SSPN: variants seen among roughly 807,000 people sequenced by gnomAD.
SSPN encodes the protein K-ras oncogene-associated protein.
A neutral mutation model predicts 19.1 loss-of-function variants in SSPN; 15 were observed. The observed-to-expected ratio is 0.78, with a 90% CI of 0.52 to 1.21. The LOEUF (loss-of-function observed/expected upper bound fraction) is 1.21. Ranked by LOEUF, SSPN falls within the 50% of genes most tolerant of loss-of-function variation. SSPN has a pLI of 0.00. For missense variants in SSPN, 291 were observed against 314.0 expected (o/e 0.93, Z 0.55); for synonymous variants, 147 against 140.3 (o/e 1.05, Z -0.34).
intron 1 of SSPN, among the ~76,000 whole-genome samples, chr12:26,216,489 A>C (rs1359064668): frequency 8.8e-6 from 1 of 113,792 alleles, no homozygotes; most frequent in Non-Finnish European, 1.8e-5. Context: ...TTGTCAGATG[A>C]GTAGCTTGCA....
Position 26,195,821 on chromosome 12 carries a change from G to T in SSPN, c.149G>T (p.Cys50Phe). The change falls in exon 1 of 3, where the codon TGC becomes TTC. Residue 50 changes from cysteine to phenylalanine, a missense_variant. Coordinates refer to ENST00000242729, the MANE Select transcript of SSPN (RefSeq NM_005086.5). The part of the protein sequence containing the change: ...GEEEPRTCCG[C>F]RFPLLLALLQ... ...GAGGAGCCCCGGACCTGCTGCGGCT[G>T]CCGGTTCCCGCTGCTGCTCGCCCTG... The T allele has an allele frequency of 6.5e-7, 1 of 1,536,214 alleles. No individual in the cohort carries two copies. Among genetic ancestry groups the T allele is most frequent in the Non-Finnish European group, 8.7e-7 (1 of 1,144,640 alleles).
chr12:26,122,291 G>GGCA, intron 1 of SSPN: 1 of 1,194,592 alleles, frequency 8.4e-7, no homozygotes, highest in African/African-American at 1.6e-5. Flanking sequence ...ACGCGGCGGC[G>GGCA]GCGGCGGCAG....
intron 1 of SSPN, among the ~76,000 whole-genome samples, chr12:26,188,763 T>C (rs1022727881): frequency 6.6e-6 from 1 of 152,160 alleles, no homozygotes; most frequent in African/African-American, 2.4e-5. Flanking sequence ...GGACCAATGG[T>C]GATTAAGGAA....
chr12:26,168,512 C>T (rs1030656162), intron 1 of SSPN, among the ~76,000 whole-genome samples: 3 of 152,286 alleles, frequency 2.0e-5, no homozygotes, highest in East Asian at 3.9e-4. Flanking sequence ...TTACAGACAT[C>T]CTCTCACTTC....
At chr12:26,149,094 C>T (rs552584955) in intron 1 of SSPN, among the ~76,000 whole-genome samples, 19 of 152,316 alleles carry the variant, frequency 1.2e-4, no homozygotes, top group African/African-American at 4.6e-4. Flanking sequence ...GAAGCACTTA[C>T]TGTAAATTGG....
chr12:26,210,687 A>G (rs1246618846), intron 1 of SSPN, among the ~76,000 whole-genome samples: 1 of 152,156 alleles, frequency 6.6e-6, no homozygotes, highest in Non-Finnish European at 1.5e-5. Context: ...GTTGAGACAG[A>G]ACAATTTTCT....
chr12:26,229,037 C>A (rs1280390615), intron 2 of SSPN, among the ~76,000 whole-genome samples: 1 of 152,036 alleles, frequency 6.6e-6, no homozygotes, highest in African/African-American at 2.4e-5. Context: ...TCCCTTCCTC[C>A]AAGGAACACT....
intron 1 of SSPN, among the ~76,000 whole-genome samples, chr12:26,163,002 AGTGTGCTTCAAGACGT>A (rs1944598442): frequency 6.6e-6 from 1 of 151,124 alleles, no homozygotes; most frequent in Non-Finnish European, 1.5e-5. Context: ...ATTCAAACAC[AGTGTGCTTCAAGACGT>A]GTGTGCTTCA....
chr12:26,164,925 T>C (rs1345382679), intron 1 of SSPN, among the ~76,000 whole-genome samples: 1 of 152,242 alleles, frequency 6.6e-6, no homozygotes, highest in African/African-American at 2.4e-5. Context: ...TGATTTCTAC[T>C]CTACCCATTA....
chr12:26,172,794 G>T (rs1944661531), intron 1 of SSPN, among the ~76,000 whole-genome samples: 1 of 146,798 alleles, frequency 6.8e-6, no homozygotes, highest in Admixed American at 6.8e-5. Context: ...ACGGAGTCTT[G>T]CTCTGTCGCC....
At position 26,176,025 on chromosome 12, in the gene SSPN, C is replaced by T. The variant is rs1038592861; in HGVS notation, c.-30-48268C>T. Reference sequence around the variant, plus strand: ...CTAATTTTTGTAATTTTAGTAGAGACGGGGTTTCACCATGTTGACCAGGCT... The same window carrying T: ...CTAATTTTTGTAATTTTAGTAGAGATGGGGTTTCACCATGTTGACCAGGCT... On this transcript the variant is annotated intron_variant, in intron 1 of 2. Transcript: ENST00000538142. 2.0e-5 allele frequency among the ~76,000 whole-genome samples: 3 copies of T among 152,064 alleles called. No homozygotes were observed. The East Asian group carries it at 5.8e-4, about 29-fold the overall frequency.
intron 1 of SSPN, among the ~76,000 whole-genome samples, chr12:26,158,977 C>A (rs1944572006): frequency 1.3e-5 from 2 of 152,234 alleles, no homozygotes; most frequent in African/African-American, 4.8e-5. Flanking sequence ...TGGTCAGGAG[C>A]TAGGTTAGGC....
At chr12:26,224,214 A>T in intron 1 of SSPN, 79 bp from the exon 2 acceptor site, 1 of 951,276 alleles carries the variant, frequency 1.1e-6, no homozygotes, top group Non-Finnish European at 1.7e-6. Context: ...ATGTGACTGC[A>T]GGAAGATACT....
At chr12:26,218,430 T>A (rs1163655115) in intron 1 of SSPN, among the ~76,000 whole-genome samples, 1 of 138,224 alleles carries the variant, frequency 7.2e-6, no homozygotes, top group African/African-American at 2.7e-5. Context: ...ATGGCACCTG[T>A]ATACATATGT....
chr12:26,210,553 T>A (rs1458931341), intron 1 of SSPN, among the ~76,000 whole-genome samples: 4 of 152,102 alleles, frequency 2.6e-5, no homozygotes, highest in Non-Finnish European at 4.4e-5. Flanking sequence ...CCTTACAATT[T>A]ATTTATTGAA....
chr12:26,171,892 G>C (rs1179632771), intron 1 of SSPN, among the ~76,000 whole-genome samples: 3 of 152,136 alleles, frequency 2.0e-5, no homozygotes, highest in African/African-American at 7.2e-5. Flanking sequence ...AGAAGCCAAG[G>C]CTTCACCTCT....
At chr12:26,196,071 C>A in intron 1 of SSPN, 120 bp downstream of exon 1, 2 of 872,896 alleles carry the variant, frequency 2.3e-6, no homozygotes, top group Non-Finnish European at 3.2e-6. Flanking sequence ...TTCTAACTCG[C>A]GCTCTGCTCG....
intron 1 of SSPN, among the ~76,000 whole-genome samples, chr12:26,131,813 A>G (rs1313478005): frequency 6.6e-6 from 1 of 152,196 alleles, no homozygotes; most frequent in Non-Finnish European, 1.5e-5. Context: ...CATCAACTCT[A>G]CCTTACAGAT....
rs180916095 is a variant in SSPN, at chr12:26,213,354, G to A, written c.280-10939G>A. Among the ~76,000 whole-genome samples the A allele has an allele frequency of 6.6e-5, 10 of 152,202 alleles. No individual in the cohort carries two copies. In the East Asian group the frequency reaches 9.7e-4, roughly 15 times the overall value. ...TGTTGGAAAGATTTTTGAAAAGTGG[G>A]TCCTTGCTATGAAAGCAAAATATCA... On this transcript the variant is annotated intron_variant, in intron 1 of 2. Transcript: ENST00000242729.
Sources: gnomAD v4.1 joint callset for allele counts (sites outside exome capture counted in the v4.1 genomes callset) on GRCh38, gnomAD v4.1.1 for gene constraint, MANE v1.5 for transcripts, NCBI Gene and HGNC (gene_info 2026-07-23, HGNC 2026-07-21) for gene names.